The following RARB variants were observed in gnomAD, a reference collection of about 807,000 sequenced individuals.
RARB encodes the protein HBV-activated protein.
RARB carries 17 observed loss-of-function variants against 51.9 expected under a neutral mutation model. The ratio of observed to expected loss-of-function variants is 0.33; its 90% CI spans 0.22 to 0.49. RARB has a LOEUF of 0.49. RARB is among the 20% of genes least tolerant of loss of function. The pLI is 0.99. For missense variants in RARB, 369 were observed against 550.8 expected (o/e 0.67, Z 3.30); for synonymous variants, 215 against 195.4 (o/e 1.10, Z -0.84).
chr3:25,202,439 G>T (rs1006921506), intron 5 of RARB, among the ~76,000 whole-genome samples: 2 of 152,074 alleles, frequency 1.3e-5, no homozygotes, highest in Admixed American at 1.3e-4. Context: ...ATCTCCTTCA[G>T]TTCTGCTCTG....
chr3:24,965,793 C>T (rs889763169), intron 2 of RARB, among the ~76,000 whole-genome samples: 1 of 152,114 alleles, frequency 6.6e-6, no homozygotes, highest in Non-Finnish European at 1.5e-5. Flanking sequence ...TTGGAAATGT[C>T]ACTTTAGCTG....
intron 2 of RARB, among the ~76,000 whole-genome samples, chr3:25,007,502 C>G (rs539211779): frequency 6.8e-6 from 1 of 147,828 alleles, no homozygotes; most frequent in Non-Finnish European, 1.5e-5. Context: ...TGGTGGGCAC[C>G]TGTAATCCCA....
intron 5 of RARB, among the ~76,000 whole-genome samples, chr3:25,302,807 C>A (rs1358629720): frequency 1.3e-5 from 2 of 152,218 alleles, no homozygotes; most frequent in East Asian, 3.8e-4. Flanking sequence ...CAAAGCTGGG[C>A]TGTGCCCCCA....
intron 2 of RARB, among the ~76,000 whole-genome samples, chr3:25,042,411 A>T (rs1698131467): frequency 6.6e-6 from 1 of 152,200 alleles, no homozygotes; most frequent in African/African-American, 2.4e-5. Context: ...AGAATGCTCT[A>T]AGTGCTTTAA....
intron 1 of RARB, among the ~76,000 whole-genome samples, chr3:25,446,802 C>CAAAAAAAAAAAAA (rs5847356): frequency 5.8e-5 from 4 of 69,074 alleles, no homozygotes; most frequent in African/African-American, 1.9e-4. Flanking sequence ...GACTCCGTCT[C>CAAAAAAAAAAAAA]AAAAAAAAAA....
rs534897361 is a variant in RARB, at chr3:24,846,561, A to G, written c.-458-12113A>G. On this transcript the variant is annotated intron_variant, in intron 1 of 11. Coordinates refer to the RARB transcript ENST00000383772. ...AATCTGGCAGGAATCAAACTTTCCT[A>G]TGAGGTATGGCCAACAAATTGCAGG... Among the ~76,000 whole-genome samples, 3 of 152,328 alleles carry G rather than the reference A, an allele frequency of 2.0e-5. No homozygotes were observed. The South Asian group carries it at 6.2e-4, about 32-fold the overall frequency.
intron 4 of RARB, among the ~76,000 whole-genome samples, chr3:25,173,613 G>C (rs1700683994): frequency 6.6e-6 from 1 of 152,156 alleles, no homozygotes; most frequent in Non-Finnish European, 1.5e-5. Flanking sequence ...AAATTTGGAA[G>C]CATATCAGTT....
intron 2 of RARB, among the ~76,000 whole-genome samples, chr3:25,497,038 C>T (rs767206281): frequency 7.2e-5 from 11 of 152,176 alleles, no homozygotes; most frequent in Non-Finnish European, 1.6e-4. Context: ...GCATGCGCCA[C>T]CATGCCTGGC....
In RARB at chr3:24,909,403, A is replaced by G. The variant is rs144967830; in HGVS notation, c.-380+50651A>G. Among the ~76,000 whole-genome samples the G allele has an allele frequency of 1.1e-3, 172 of 152,298 alleles. 1 individual carries two copies. Among genetic ancestry groups the G allele is most frequent in the African/African-American group, 3.9e-3 (161 of 41,572 alleles). ...GGATCATCTTGGTGCTCTCCAGCAC[A>G]TTAATTTTTGACGTATTAAAGTTCA... On this transcript the variant is annotated intron_variant, in intron 2 of 11. Coordinates refer to the RARB transcript ENST00000383772.
rs1575185428 is a variant in RARB at position 25,155,101 on chromosome 3, C to A, written c.-279-19018C>A. On this transcript the variant is annotated intron_variant, in intron 4 of 11. Coordinates refer to the RARB transcript ENST00000383772. The stretch of plus-strand genomic sequence containing the variant: ...CTCTGATTTAGATTTTATCACTATT[C>A]TCTTTCCGTATGCATTATATTCCAT... 2.0e-5 allele frequency among the ~76,000 whole-genome samples: 3 copies of A among 152,300 alleles called. No individual in the cohort carries two copies. The East Asian group carries it at 5.8e-4, about 29-fold the overall frequency.
intron 5 of RARB, chr3:25,174,641 G>T: frequency 7.7e-7 from 1 of 1,300,632 alleles, no homozygotes; most frequent in Non-Finnish European, 1.0e-6. Flanking sequence ...TGAGAAAACG[G>T]AATGGTTGGT....
intron 5 of RARB, among the ~76,000 whole-genome samples, chr3:25,355,804 T>C (rs1050269475): frequency 6.6e-6 from 1 of 152,140 alleles, no homozygotes; most frequent in Non-Finnish European, 1.5e-5. Context: ...GCATGCAAAT[T>C]GTATCCTAAG....
chr3:25,268,489 G>A (rs1439397386), intron 5 of RARB, among the ~76,000 whole-genome samples: 1 of 151,876 alleles, frequency 6.6e-6, no homozygotes, highest in Non-Finnish European at 1.5e-5. Context: ...GGTGTATTTC[G>A]ACCCTGGTCC....
At chr3:25,407,109 A>T (rs1707429973) in intron 5 of RARB, among the ~76,000 whole-genome samples, 1 of 152,144 alleles carries the variant, frequency 6.6e-6, no homozygotes, top group Non-Finnish European at 1.5e-5. Context: ...TCTTTTCGGG[A>T]TATTTCTGCC....
chr3:24,893,151 G>C (rs573132693), intron 2 of RARB, among the ~76,000 whole-genome samples: 1 of 152,190 alleles, frequency 6.6e-6, no homozygotes, highest in Non-Finnish European at 1.5e-5. Flanking sequence ...ACAATTTTAC[G>C]ATGGTTTCCC....
At chr3:25,224,204 A>G (rs964886782) in intron 5 of RARB, among the ~76,000 whole-genome samples, 1 of 152,230 alleles carries the variant, frequency 6.6e-6, no homozygotes, top group Non-Finnish European at 1.5e-5. Flanking sequence ...ATGCCCAACA[A>G]ACAAGCAGTT....
intron 5 of RARB, among the ~76,000 whole-genome samples, chr3:25,203,721 A>G (rs994937242): frequency 1.3e-5 from 2 of 152,158 alleles, no homozygotes; most frequent in African/African-American, 2.4e-5. Flanking sequence ...GAAATTTTGG[A>G]TTGAAAATTC....
chr3:25,342,039 A>G (rs1052786112), intron 5 of RARB, among the ~76,000 whole-genome samples: 1 of 152,212 alleles, frequency 6.6e-6, no homozygotes, highest in African/African-American at 2.4e-5. Context: ...TGTAGCACCT[A>G]TTACAATGCT....
chr3:25,041,208 C>G (rs1698107372), intron 2 of RARB, among the ~76,000 whole-genome samples: 1 of 152,128 alleles, frequency 6.6e-6, no homozygotes, highest in African/African-American at 2.4e-5. Flanking sequence ...CTTACTGTTT[C>G]CAAGGCCTGG....
Sources: allele counts gnomAD v4.1 joint callset (sites outside exome capture counted in the v4.1 genomes callset), GRCh38; gene constraint gnomAD v4.1.1; transcripts MANE v1.5; gene names NCBI Gene and HGNC (gene_info 2026-07-23, HGNC 2026-07-21).